Variants in INTS3 observed in about 807,000 individuals in gnomAD.
INTS3 encodes SOSS complex subunit A.
INTS3 carries 34 observed loss-of-function variants against 146.3 expected under a neutral mutation model. That is an observed-to-expected ratio of 0.23 (90% CI 0.18 to 0.31). The LOEUF is 0.31. INTS3 is among the 10% of genes least tolerant of loss of function. INTS3 has a pLI of 1.00. For missense variants in INTS3, 757 were observed against 1,304.2 expected (o/e 0.58, Z 6.46); for synonymous variants, 475 against 494.9 (o/e 0.96, Z 0.53).
At chr1:153,752,738 C>T (rs1672005420) in intron 8 of INTS3, among the ~76,000 whole-genome samples, 1 of 152,108 alleles carries the variant, frequency 6.6e-6, no homozygotes. Flanking sequence ...TTCAGCTTCA[C>T]GGAGTCTAGC....
chr1:153,728,817 A>G (rs1281842015), intron 1 of INTS3, 33 bp downstream of exon 1: 1 of 1,245,892 alleles, frequency 8.0e-7, no homozygotes, highest in Non-Finnish European at 1.1e-6. Flanking sequence ...GAGTTAAGAA[A>G]TTGGGTTTTG....
chr1:153,729,467 C>CCTG (rs1670981193), intron 1 of INTS3, among the ~76,000 whole-genome samples: 1 of 152,186 alleles, frequency 6.6e-6, no homozygotes, highest in African/African-American at 2.4e-5. Context: ...CTTCAGGGGA[C>CCTG]CTGATAGTTG....
chr1:153,770,597 C>A, intron 24 of INTS3, 88 bp from the exon 25 acceptor site: 1 of 1,087,562 alleles, frequency 9.2e-7, no homozygotes, highest in Non-Finnish European at 1.4e-6. Flanking sequence ...TTATTCCCTC[C>A]AGTGGCTGTT....
chr1:153,771,821 G>T lies in INTS3; in HGVS notation c.2578G>T (p.Val860Leu). Residue 860 changes from valine to leucine, a missense_variant, in exon 26 of 30, where the codon GTG becomes TTG. Val to Leu is a conservative substitution (Grantham distance 32). This residue lies in a region of INTS3 where 116 missense variants were observed against 226.5 expected (regional missense o/e 0.51). Transcript: ENST00000318967. ...GCCCAGCGAGGAGATGGTGAAGATG[G>T]TGCTGAGCCGGCCCTGCCATCCTGA... ...EKPSEEMVKM[V>L]LSRPCHPDDQ... is the part of the protein sequence containing the mutation. 2 of 1,613,852 alleles carry T rather than the reference G, an allele frequency of 1.2e-6. No individual in the cohort carries two copies. Among genetic ancestry groups the T allele is most frequent in the Non-Finnish European group, 1.7e-6 (2 of 1,179,882 alleles).
At chr1:153,747,560 A>G in intron 5 of INTS3, 197 bp downstream of exon 5, 1 of 606,846 alleles carries the variant, frequency 1.6e-6, no homozygotes, top group Non-Finnish European at 2.9e-6. Context: ...CTTTTAAAGC[A>G]GTAAGTCTTG....
rs779568996 is a variant in INTS3, at chr1:153,771,974, G to GT, written c.2720+12dup. ...TCGCAAGAGACAGAGGTGGGACACG[G>GT]TCCCTGTCTACCCTCCAGGCCATGG... On this transcript the variant is annotated intron_variant, in intron 26 of 29. Coordinates refer to ENST00000318967, the MANE Select transcript of INTS3 (RefSeq NM_023015.5). 6.2e-7 allele frequency: 1 copy of GT among 1,608,996 alleles called. No homozygotes were observed. Among genetic ancestry groups the GT allele is most frequent in the East Asian group, 2.2e-5 (1 of 44,610 alleles).
rs551016027 is a variant in INTS3, at chr1:153,759,166, T to TG, written c.1150-360_1150-359insG. On this transcript the variant is annotated intron_variant, in intron 10 of 29. Coordinates refer to ENST00000318967, the MANE Select transcript of INTS3 (RefSeq NM_023015.5). The stretch of plus-strand genomic sequence containing the variant: ...CAGGTGAGGTGGTGCGTGCCTGTAG[T>TG]CCCAGGCTGAGGTGAGAGGCTCTCT... Among the ~76,000 whole-genome samples the TG allele has an allele frequency of 4.8e-4, 73 of 151,258 alleles. No homozygotes were observed. The East Asian group carries it at 0.014, about 29-fold the overall frequency.
At position 153,760,104 on chromosome 1, in the gene INTS3, C is replaced by A. The variant is rs748340556; in HGVS notation, c.1238-207C>A. On this transcript the variant is annotated intron_variant, in intron 11 of 29. Coordinates refer to ENST00000318967, the MANE Select transcript of INTS3 (RefSeq NM_023015.5). Reference sequence around the variant, plus strand: ...GACTTTAGCCTGGCGTGGTGGCGCACACCTGTAATTCCAGCTGCTGGGGAG... The same window carrying A: ...GACTTTAGCCTGGCGTGGTGGCGCAAACCTGTAATTCCAGCTGCTGGGGAG... The A allele has an allele frequency of 5.4e-5, 32 of 587,194 alleles. 1 individual carries two copies. The highest frequency in any genetic ancestry group is 8.9e-5 in the Admixed American group (3 of 33,690). The allele number at this position is 587,194 out of a possible 1,614,324, so 36.4% of individuals were successfully genotyped here.
At chr1:153,770,814 C>T in intron 25 of INTS3, 81 bp downstream of exon 25, 1 of 1,036,580 alleles carries the variant, frequency 9.6e-7, no homozygotes, top group Non-Finnish European at 1.5e-6. Flanking sequence ...TTCTGTCCTC[C>T]TCCTTATTGC....
chr1:153,760,622 A>G, intron 12 of INTS3: 2 of 625,824 alleles, frequency 3.2e-6, no homozygotes, highest in Admixed American at 2.9e-5. Context: ...GACTCAAGGT[A>G]GAATCTGGTT....
rs899187244 is a variant in INTS3, at chr1:153,744,530, A to G, written c.319-2427A>G. On this transcript the variant is annotated intron_variant, in intron 3 of 29. Transcript: ENST00000318967. ...TGTTTTTTTGGTCTCCCAACCATCA[A>G]CCATCCCCCAGAGGGAGTCATTCTC... 3.3e-5 allele frequency among the ~76,000 whole-genome samples: 5 copies of G among 152,102 alleles called. 1 individual carries two copies. The highest frequency in any genetic ancestry group is 1.2e-4 in the African/African-American group (5 of 41,416).
In INTS3 at chr1:153,764,143, C is replaced by G; in HGVS notation, c.1847C>G (p.Ser616Cys). 1 of 1,614,028 alleles carries G rather than the reference C, an allele frequency of 6.2e-7. No homozygotes were observed. The highest frequency in any genetic ancestry group is 2.2e-5 in the East Asian group (1 of 44,878). Reference sequence around the variant, plus strand: ...GAAGACTTTGACTCGGAGCAGCTGTCTGTCCTTGCTTCCTGCCTACAGGAG... The same window carrying G: ...GAAGACTTTGACTCGGAGCAGCTGTGTGTCCTTGCTTCCTGCCTACAGGAG... ...LEEDFDSEQLSVLASCLQELF... is the reference protein window; with the variant it reads ...LEEDFDSEQLCVLASCLQELF... Residue 616 changes from serine (S) to cysteine (C), a missense_variant, in exon 18 of 30, where the codon TCT becomes TGT. Around this residue, in one of 8 missense-constraint regions of INTS3, gnomAD observed 89 missense variants for 210.9 expected, o/e 0.42. Coordinates refer to ENST00000318967, the MANE Select transcript of INTS3 (RefSeq NM_023015.5).
intron 24 of INTS3, 48 bp from the exon 25 acceptor site, chr1:153,770,637 C>G: frequency 6.6e-7 from 1 of 1,509,022 alleles, no homozygotes; most frequent in Non-Finnish European, 9.2e-7. Flanking sequence ...CAGATTCCAT[C>G]CTGGAATCAT....
At chr1:153,771,035 G>A (rs566505175) in intron 25 of INTS3, among the ~76,000 whole-genome samples, 12 of 143,982 alleles carry the variant, frequency 8.3e-5, no homozygotes, top group East Asian at 2.3e-4. Context: ...GCTCCCCGCC[G>A]CGCCCCCCCC....
chr1:153,760,443 G>A (rs1009749828), intron 12 of INTS3, 53 bp downstream of exon 12: 11 of 1,441,330 alleles, frequency 7.6e-6, no homozygotes, highest in Non-Finnish European at 9.8e-6. Context: ...AGAATTCAGT[G>A]TATCTCCCCT....
chr1:153,736,924 C>T lies in INTS3; in HGVS notation c.151-3727C>T, dbSNP rs185899407. 4.2e-3 allele frequency among the ~76,000 whole-genome samples: 643 copies of T among 151,952 alleles called. 6 individuals carry two copies. The highest frequency in any genetic ancestry group is 4.5e-3 in the Non-Finnish European group (307 of 67,972). On this transcript the variant is annotated intron_variant, in intron 1 of 29. Transcript: ENST00000318967. ...GACTACAGGCGCCTGCCACCATGCC[C>T]GGCTAATTTTTTGTATTTTTTTTAA...
chr1:153,732,567 TC>T (rs1671113735), intron 1 of INTS3, among the ~76,000 whole-genome samples: 1 of 151,952 alleles, frequency 6.6e-6, no homozygotes, highest in South Asian at 2.1e-4. Flanking sequence ...TGCGTCAGCC[TC>T]CCAAGTAGCT....
Position 153,771,860 on chromosome 1 carries a change from A to T in INTS3, c.2617A>T (p.Thr873Ser). 2 of 1,614,070 alleles carry T rather than the reference A, an allele frequency of 1.2e-6. No homozygotes were observed. The highest frequency in any genetic ancestry group is 2.2e-5 in the East Asian group (1 of 44,876). Residue 873 changes from threonine (T) to serine (S), a missense_variant, in exon 26 of 30, where the codon ACC becomes TCC. By Grantham distance (58) the Thr-to-Ser change is moderately conservative. This residue lies in a region of INTS3 where 116 missense variants were observed against 226.5 expected (regional missense o/e 0.51). Transcript: ENST00000318967. ...CTGCCATCCTGACGACCAGTTCACC[A>T]CCAGCATCCTGCGGCACTGGTGCAT... is the stretch of plus-strand genomic sequence containing the variant. The part of the protein sequence containing the change: ...RPCHPDDQFT[T>S]SILRHWCMKH...
chr1:153,761,697 A>G (rs1672390487), intron 14 of INTS3, 21 bp downstream of exon 14: 3 of 1,549,516 alleles, frequency 1.9e-6, no homozygotes, highest in African/African-American at 1.4e-5. Flanking sequence ...CGCCCATTCC[A>G]TCACCTGTGT....
Sources: gnomAD v4.1 joint callset for allele counts (sites outside exome capture counted in the v4.1 genomes callset) on GRCh38, gnomAD v4.1.1 for gene constraint, gnomAD v4.1.1 regional missense constraint, MANE v1.5 for transcripts, NCBI Gene and HGNC (gene_info 2026-07-23, HGNC 2026-07-21) for gene names.